CACNA1D: variants seen among roughly 807,000 people sequenced by gnomAD.
CACNA1D encodes calcium voltage-gated channel subunit alpha1 D.
Under a neutral mutation model 257.1 loss-of-function variants are expected in CACNA1D, and 55 were observed. That is an observed-to-expected ratio of 0.21 (90% CI 0.17 to 0.27). CACNA1D has a LOEUF of 0.27. Ranked by LOEUF, CACNA1D falls within the 10% of genes least tolerant of loss-of-function variation. CACNA1D has a pLI of 1.00. For missense variants in CACNA1D, 1,876 were observed against 2,784.0 expected, an observed-to-expected ratio of 0.67 and a Z score of 7.34; for synonymous variants, 980 against 1,014.9, an observed-to-expected ratio of 0.97 and a Z score of 0.65.
intron 7 of CACNA1D, among the ~76,000 whole-genome samples, chr3:53,669,501 CACTT>C (rs1355503733): frequency 6.6e-6 from 1 of 152,238 alleles, no homozygotes; most frequent in African/African-American, 2.4e-5. Flanking sequence ...ATCCTTTAGG[CACTT>C]ACATATGGTG....
At chr3:53,725,146 A>G (rs920358885) in intron 14 of CACNA1D, among the ~76,000 whole-genome samples, 1 of 152,228 alleles carries the variant, frequency 6.6e-6, no homozygotes, top group Middle Eastern at 3.4e-3. Flanking sequence ...TTAGATCTGC[A>G]TTTTCTGATA....
intron 4 of CACNA1D, among the ~76,000 whole-genome samples, chr3:53,651,708 C>T (rs1268685730): frequency 6.6e-6 from 1 of 152,138 alleles, no homozygotes; most frequent in Non-Finnish European, 1.5e-5. Context: ...AAGATATATC[C>T]TTTTTCCCAG....
intron 3 of CACNA1D, among the ~76,000 whole-genome samples, chr3:53,541,777 A>T (rs1240508621): frequency 6.6e-6 from 1 of 152,124 alleles, no homozygotes; most frequent in Admixed American, 6.6e-5. Context: ...TTTGTCTTCA[A>T]GCAGATTACT....
At chr3:53,542,599 A>AATAAATAT (rs2092322031) in intron 3 of CACNA1D, among the ~76,000 whole-genome samples, 1 of 151,734 alleles carries the variant, frequency 6.6e-6, no homozygotes, top group East Asian at 1.9e-4. Flanking sequence ...TAAATAAATA[A>AATAAATAT]ATAAACAAAT....
chr3:53,537,678 G>C (rs901489031), intron 3 of CACNA1D, among the ~76,000 whole-genome samples: 12 of 152,258 alleles, frequency 7.9e-5, no homozygotes, highest in African/African-American at 2.9e-4. Flanking sequence ...ATACAGGTAG[G>C]TTTCACACAG....
chr3:53,651,366 CTTTTTT>C (rs779207160), intron 4 of CACNA1D, among the ~76,000 whole-genome samples: 2,300 of 81,942 alleles, frequency 0.028, 98 homozygotes, highest in African/African-American at 0.095. Context: ...TATTAATTTT[CTTTTTT>C]TTTTTTTTTT....
intron 2 of CACNA1D, among the ~76,000 whole-genome samples, chr3:53,499,634 GA>G (rs200674893): frequency 5.3e-5 from 8 of 150,778 alleles, no homozygotes; most frequent in Non-Finnish European, 4.4e-5. Flanking sequence ...CCAACATAAA[GA>G]AAAAAAAATA....
chr3:53,718,159 G>A, intron 9 of CACNA1D, 142 bp from the exon 10 acceptor site: 1 of 747,156 alleles, frequency 1.3e-6, no homozygotes, highest in Non-Finnish European at 2.4e-6. Flanking sequence ...CACTCCCTTA[G>A]CCCAGCTGAG....
chr3:53,800,146 C>G lies in CACNA1D; in HGVS notation c.4924-103C>G, dbSNP rs1034030751. 34 of 848,270 alleles carry G rather than the reference C, an allele frequency of 4.0e-5. No individual in the cohort carries two copies. The African/African-American group carries it at 4.5e-4, about 11-fold the overall frequency. 52.5% of individuals were successfully genotyped at this position (848,270 alleles called of 1,614,324 possible). A position where few individuals can be genotyped will look rare whatever the true frequency, so the allele number is the denominator to read the frequency against. ...TGCCCTGGATTGGCTTTTGGGGAAGCCTTCCTCCCCACCGCTGAATCAGGA... is the reference window on the plus strand; with the variant it reads ...TGCCCTGGATTGGCTTTTGGGGAAGGCTTCCTCCCCACCGCTGAATCAGGA... On this transcript the variant is annotated intron_variant, in intron 40 of 47. Transcript: ENST00000350061. This position sits in a 1 kb window ranked among gnomAD's most constrained non-coding sequence, Gnocchi z 4.3.
At chr3:53,711,048 A>G (rs557505927) in intron 9 of CACNA1D, among the ~76,000 whole-genome samples, 1 of 152,290 alleles carries the variant, frequency 6.6e-6, no homozygotes, top group East Asian at 1.9e-4. Flanking sequence ...CTGGGCAACA[A>G]AGTGAGACCC....
intron 20 of CACNA1D, 143 bp downstream of exon 20, chr3:53,735,646 G>A (rs1052740759): frequency 7.1e-6 from 6 of 844,804 alleles, no homozygotes; most frequent in African/African-American, 1.7e-5. Flanking sequence ...GGCTGTTTCC[G>A]GTTTGTAAGT....
At chr3:53,500,253 TAAAAAA>T (rs55823212) in intron 2 of CACNA1D, among the ~76,000 whole-genome samples, 2 of 40,932 alleles carry the variant, frequency 4.9e-5, no homozygotes, top group Non-Finnish European at 8.2e-5. Flanking sequence ...CTGTCTCTAC[TAAAAAA>T]AAAAAAAAAA....
chr3:53,584,058 C>G (rs1004266549), intron 3 of CACNA1D, among the ~76,000 whole-genome samples: 1 of 152,186 alleles, frequency 6.6e-6, no homozygotes, highest in Non-Finnish European at 1.5e-5. Flanking sequence ...CCTGAGTGAT[C>G]ATTCTCATCT....
intron 21 of CACNA1D, among the ~76,000 whole-genome samples, chr3:53,742,080 A>G (rs1451201937): frequency 1.3e-5 from 2 of 152,160 alleles, no homozygotes; most frequent in African/African-American, 2.4e-5. Flanking sequence ...AATATCTGAG[A>G]CGATGGTTCC....
chr3:53,555,661 C>T (rs1575853069), intron 3 of CACNA1D, among the ~76,000 whole-genome samples: 1 of 151,954 alleles, frequency 6.6e-6, no homozygotes, highest in Admixed American at 6.6e-5. Context: ...CCCCTCCTCC[C>T]AACTTGTTAT....
chr3:53,667,109 C>T (rs1315664441), intron 7 of CACNA1D, among the ~76,000 whole-genome samples: 1 of 152,140 alleles, frequency 6.6e-6, no homozygotes, highest in Admixed American at 6.5e-5. Flanking sequence ...CCTTAGCTGT[C>T]TTCCTTTCTA....
intron 20 of CACNA1D, among the ~76,000 whole-genome samples, chr3:53,737,323 T>G (rs966983082): frequency 6.6e-6 from 1 of 152,204 alleles, no homozygotes; most frequent in Non-Finnish European, 1.5e-5. Flanking sequence ...TTTGTGCAGA[T>G]TTTTTTCTTG....
rs940702174 is a variant in CACNA1D, at chr3:53,495,989, C to T, written c.67+756C>T. ...ACCGCCAGTGCCCCCCAACCCCTGTCGGCTGGAAGCCTTTCCGGGTGAGCG... is the reference window on the plus strand; with the variant it reads ...ACCGCCAGTGCCCCCCAACCCCTGTTGGCTGGAAGCCTTTCCGGGTGAGCG... On this transcript the variant is annotated intron_variant, in intron 1 of 47. Coordinates refer to ENST00000350061, the MANE Select transcript of CACNA1D (RefSeq NM_001128840.3). This position sits in a 1 kb window ranked among gnomAD's most constrained non-coding sequence, Gnocchi z 5.1. Among the ~76,000 whole-genome samples the T allele has an allele frequency of 1.3e-5, 2 of 152,232 alleles. No homozygotes were observed. The highest frequency in any genetic ancestry group is 2.9e-5 in the Non-Finnish European group (2 of 68,034).
In CACNA1D at chr3:53,730,512, T is replaced by C. The variant is rs1170482760; in HGVS notation, c.2292T>C (p.Ala764=). 6.2e-7 allele frequency: 1 copy of C among 1,614,094 alleles called. No individual in the cohort carries two copies. The highest frequency in any genetic ancestry group is 8.5e-7 in the Non-Finnish European group (1 of 1,179,938). Residue 764 remains alanine, a synonymous_variant, in exon 16 of 48, where the codon GCT becomes GCC. Coordinates refer to ENST00000350061, the MANE Select transcript of CACNA1D (RefSeq NM_001128840.3). The part of the protein sequence containing the change: ...NLADAESLNT[A]QKEEAEEKER... ...CTGATGCTGAAAGTCTGAACACTGCTCAGAAAGAAGAAGCGGAAGAAAAGG... is the reference window on the plus strand; with the variant it reads ...CTGATGCTGAAAGTCTGAACACTGCCCAGAAAGAAGAAGCGGAAGAAAAGG...
Sources: allele counts gnomAD v4.1 joint callset (sites outside exome capture counted in the v4.1 genomes callset), GRCh38; gene constraint gnomAD v4.1.1; non-coding constraint Gnocchi (gnomAD v3.1); transcripts MANE v1.5; gene names NCBI Gene and HGNC (gene_info 2026-07-23, HGNC 2026-07-21).